NFRKB: variants seen among roughly 807,000 people sequenced by gnomAD.
NFRKB encodes nuclear factor related to kappa-B-binding protein.
NFRKB carries 62 observed loss-of-function variants against 135.7 expected under a neutral mutation model. The observed-to-expected ratio is 0.46, with a 90% confidence interval of 0.37 to 0.56. The LOEUF (loss-of-function observed/expected upper bound fraction) is 0.56. Among genes scored for constraint, NFRKB ranks in the 20% least tolerant of loss-of-function variants. The pLI is 0.00. For missense variants in NFRKB, 1,545 were observed against 1,662.0 expected (o/e 0.93, Z 1.22); for synonymous variants, 678 against 635.6 (o/e 1.07, Z -1.00).
intron 12 of NFRKB, 34 bp downstream of exon 12, chr11:129,881,693 A>G (rs1949035638): frequency 6.2e-7 from 1 of 1,609,676 alleles, no homozygotes; most frequent in South Asian, 1.1e-5. Context: ...CAAAAGGGGG[A>G]AAAATACTGA....
At position 129,872,959 on chromosome 11, in the gene NFRKB, A is replaced by G. The variant is rs753912736; in HGVS notation, c.2688T>C (p.Ser896=). ...ASPVSKPATS[S]PGTSAPSAST... ...AGGCACTGGGAGCAGAGGTCCCAGG[A>G]GAACTCGTGGCTGGCTTACTCACAG... is the stretch of plus-strand genomic sequence containing the variant. Residue 896 remains serine, a synonymous_variant, in exon 23 of 27, where the codon TCT becomes TCC. Coordinates refer to ENST00000682444, the MANE Select transcript of NFRKB (RefSeq NM_001143835.2). 1 of 1,614,144 alleles carries G rather than the reference A, an allele frequency of 6.2e-7. No homozygotes were observed. The highest frequency in any genetic ancestry group is 1.1e-5 in the South Asian group (1 of 91,078).
In NFRKB at chr11:129,864,705, G is replaced by A. The variant is rs1274469765; in HGVS notation, c.*20C>T. ...GACAGACCAGGCATGGTCTTTCACGGAAGCCATCCTCTCTCATAATCATTG... is the reference window on the plus strand; with the variant it reads ...GACAGACCAGGCATGGTCTTTCACGAAAGCCATCCTCTCTCATAATCATTG... On this transcript the variant is annotated 3_prime_UTR_variant, in exon 27 of 27. Coordinates refer to ENST00000682444, the MANE Select transcript of NFRKB (RefSeq NM_001143835.2). 1.2e-6 allele frequency: 2 copies of A among 1,613,996 alleles called. No individual in the cohort carries two copies. Among genetic ancestry groups the A allele is most frequent in the East Asian group, 2.2e-5 (1 of 44,878 alleles).
intron 24 of NFRKB, 80 bp downstream of exon 24, chr11:129,869,414 A>T (rs542748113): frequency 6.9e-7 from 1 of 1,455,916 alleles, no homozygotes; most frequent in East Asian, 2.3e-5. Context: ...GTTTTTAGGG[A>T]GTTTCTCGGG....
intron 24 of NFRKB, among the ~76,000 whole-genome samples, chr11:129,867,505 C>CG (rs929997563): frequency 8.6e-5 from 13 of 151,916 alleles, no homozygotes; most frequent in African/African-American, 3.1e-4. Flanking sequence ...CTGGTAGGGA[C>CG]GGGGTTTCAC....
intron 4 of NFRKB, 95 bp downstream of exon 4, chr11:129,888,499 G>T: frequency 1.6e-6 from 2 of 1,240,910 alleles, no homozygotes; most frequent in Non-Finnish European, 2.4e-6. Context: ...TGTACATGAA[G>T]ATAAAAAGAA....
At chr11:129,883,799 C>A (rs765140769) in intron 8 of NFRKB, among the ~76,000 whole-genome samples, 7 of 152,202 alleles carry the variant, frequency 4.6e-5, no homozygotes, top group Non-Finnish European at 8.8e-5. Flanking sequence ...AGCTCCCTAA[C>A]CTCTTGAGCA....
chr11:129,892,055 A>AT (rs1419872876), intron 3 of NFRKB, among the ~76,000 whole-genome samples: 6 of 146,360 alleles, frequency 4.1e-5, no homozygotes, highest in African/African-American at 1.3e-4. Flanking sequence ...TTTTTTTTCT[A>AT]TTTTTAATTA....
intron 24 of NFRKB, 37 bp from the exon 25 acceptor site, chr11:129,866,020 A>G: frequency 6.5e-7 from 1 of 1,540,840 alleles, no homozygotes; most frequent in Non-Finnish European, 8.7e-7. Flanking sequence ...GTAAGACAGG[A>G]GGTAAGGAAA....
intron 26 of NFRKB, 53 bp downstream of exon 26, chr11:129,864,913 C>G: frequency 6.2e-7 from 1 of 1,612,822 alleles, no homozygotes; most frequent in South Asian, 1.1e-5. Context: ...TTAAGAACAG[C>G]AGTGGAATCA....
intron 15 of NFRKB, among the ~76,000 whole-genome samples, chr11:129,878,084 T>C (rs563898936): frequency 6.6e-6 from 1 of 152,286 alleles, no homozygotes; most frequent in East Asian, 1.9e-4. Flanking sequence ...GCAGGTCATA[T>C]GCCCCTTAGA....
intron 8 of NFRKB, among the ~76,000 whole-genome samples, chr11:129,883,693 A>G (rs1264749217): frequency 6.6e-6 from 1 of 152,154 alleles, no homozygotes; most frequent in Non-Finnish European, 1.5e-5. Context: ...AGCTACCTCA[A>G]CTTGGTAGCA....
chr11:129,874,951 C>T lies in NFRKB; in HGVS notation c.1855-35G>A. 1 of 1,612,724 alleles carries T rather than the reference C, an allele frequency of 6.2e-7. No homozygotes were observed. Among genetic ancestry groups the T allele is most frequent in the East Asian group, 2.2e-5 (1 of 44,866 alleles). On this transcript the variant is annotated intron_variant, in intron 18 of 26. Coordinates refer to ENST00000682444, the MANE Select transcript of NFRKB (RefSeq NM_001143835.2). This position sits in a 1 kb window ranked among gnomAD's most constrained non-coding sequence, Gnocchi z 4.5. ...AGACAAAGGGAAATAAGAAACAAGT[C>T]AAGCTTAGATAACAGAAGTTATTTG...
In NFRKB at chr11:129,869,607, T is replaced by G. The variant is rs1186961541; in HGVS notation, c.3418A>C (p.Lys1140Gln). The change falls in exon 24 of 27, where the codon AAG becomes CAG. Residue 1140 changes from lysine (K) to glutamine (Q), a missense_variant. By Grantham distance (53) the Lys-to-Gln change is moderately conservative. This residue lies in a region of NFRKB where 753 missense variants were observed against 804.3 expected (regional missense o/e 0.94). Coordinates refer to ENST00000682444, the MANE Select transcript of NFRKB (RefSeq NM_001143835.2). ...GCCCCAGAAGCCACAGCTACAGTCTTGGACACAGCAGCATTCATACTGGGT... is the reference window on the plus strand; with the variant it reads ...GCCCCAGAAGCCACAGCTACAGTCTGGGACACAGCAGCATTCATACTGGGT... Reference protein sequence around the residue: ...SLPSMNAAVSKTVAVASGAAS... With the variant: ...SLPSMNAAVSQTVAVASGAAS... 2.5e-6 allele frequency: 4 copies of G among 1,614,078 alleles called. No homozygotes were observed. The highest frequency in any genetic ancestry group is 3.4e-6 in the Non-Finnish European group (4 of 1,180,038).
rs990880001 is a variant in NFRKB at position 129,888,579 on chromosome 11, T to C, written c.337+15A>G. The C allele has an allele frequency of 6.2e-6, 10 of 1,613,448 alleles. No homozygotes were observed. The African/African-American group carries it at 8.0e-5, about 13-fold the overall frequency. On this transcript the variant is annotated intron_variant, in intron 4 of 26. Coordinates refer to ENST00000682444, the MANE Select transcript of NFRKB (RefSeq NM_001143835.2). ...TCCACCACCCCCCTCAAAGAAAGAA[T>C]ACTGAGCTACAAACCTCGGAAAAGC... is the stretch of plus-strand genomic sequence containing the variant.
rs536523402 is a variant in NFRKB, at chr11:129,864,614, G to C, written c.*111C>G. 1 of 1,487,656 alleles carries C rather than the reference G, an allele frequency of 6.7e-7. No homozygotes were observed. The highest frequency in any genetic ancestry group is 9.1e-7 in the Non-Finnish European group (1 of 1,093,202). 92.2% of individuals were successfully genotyped at this position (1,487,656 alleles called of 1,614,324 possible). On this transcript the variant is annotated 3_prime_UTR_variant, in exon 27 of 27. Transcript: ENST00000682444. Reference sequence around the variant, plus strand: ...CAGGCCACCGTTGCCATCACCCCTCGCCTGGCTGCCTTGAACAGGCAAGCT... The same window carrying C: ...CAGGCCACCGTTGCCATCACCCCTCCCCTGGCTGCCTTGAACAGGCAAGCT...
chr11:129,888,335 A>AT lies in NFRKB; in HGVS notation c.337+258dup, dbSNP rs1949377135. On this transcript the variant is annotated intron_variant, in intron 4 of 26. Coordinates refer to ENST00000682444, the MANE Select transcript of NFRKB (RefSeq NM_001143835.2). Reference sequence around the variant, plus strand: ...ACCTCTAGTATGCTGGAAATGTTTTATTTTTTTATGTAGATGCTGGTTACA... The same window carrying AT: ...ACCTCTAGTATGCTGGAAATGTTTTATTTTTTTTATGTAGATGCTGGTTACA... The AT allele has an allele frequency of 1.9e-4, 122 of 637,560 alleles. 1 individual carries two copies. In the South Asian group the frequency reaches 2.2e-3, roughly 11 times the overall value. The allele number at this position is 637,560 out of a possible 1,614,324, so 39.5% of individuals were successfully genotyped here.
At chr11:129,865,852 T>C (rs745857366) in intron 25 of NFRKB, 25 bp downstream of exon 25, 2 of 1,610,586 alleles carry the variant, frequency 1.2e-6, no homozygotes, top group Admixed American at 3.3e-5. Flanking sequence ...CCGAATTGGT[T>C]CCTTTACCAT....
At position 129,870,170 on chromosome 11, in the gene NFRKB, A is replaced by G; in HGVS notation, c.2855T>C (p.Val952Ala). 6.2e-7 allele frequency: 1 copy of G among 1,614,178 alleles called. No homozygotes were observed. Among genetic ancestry groups the G allele is most frequent in the Non-Finnish European group, 8.5e-7 (1 of 1,180,028 alleles). Residue 952 changes from valine to alanine, a missense_variant, in exon 24 of 27, where the codon GTA becomes GCA. Physicochemically the swap from Val to Ala is moderately conservative, Grantham distance 64 (BLOSUM62 0). Around this residue, in one of 3 missense-constraint regions of NFRKB, gnomAD observed 753 missense variants for 804.3 expected, o/e 0.94. Transcript: ENST00000682444. ...GATGGAAGAGGGCGGCAGACGCAAT[A>G]CATCCTTACCCTGGATGCGGAAGTT... is the stretch of plus-strand genomic sequence containing the variant. ...ATNFRIQGKD[V>A]LRLPPSSITT...
At chr11:129,886,818 T>C (rs1029686793) in intron 4 of NFRKB, among the ~76,000 whole-genome samples, 3 of 152,132 alleles carry the variant, frequency 2.0e-5, no homozygotes, top group Non-Finnish European at 4.4e-5. Context: ...GTGCTACCTT[T>C]ATGGAAGGTC....
Sources: gnomAD v4.1 joint callset for allele counts (sites outside exome capture counted in the v4.1 genomes callset) on GRCh38, gnomAD v4.1.1 for gene constraint, gnomAD v4.1.1 regional missense constraint, Gnocchi (gnomAD v3.1) non-coding constraint, MANE v1.5 for transcripts, NCBI Gene and HGNC (gene_info 2026-07-23, HGNC 2026-07-21) for gene names.